The following TRAF3IP2 variants were observed in gnomAD, a reference collection of about 807,000 sequenced individuals.
TRAF3IP2 encodes E3 ubiquitin ligase TRAF3IP2.
TRAF3IP2 carries 35 observed loss-of-function variants against 57.9 expected under a neutral mutation model. The ratio of observed to expected loss-of-function variants is 0.60; its 90% CI spans 0.46 to 0.80. The LOEUF (loss-of-function observed/expected upper bound fraction) is 0.80. TRAF3IP2 is among the 30% of genes least tolerant of loss of function. The probability of loss-of-function intolerance (pLI) is 0.00; values close to 1 mark genes in which losing one functional copy is unlikely to be tolerated. For missense variants in TRAF3IP2, 556 were observed against 706.4 expected (o/e 0.79, Z 2.41); for synonymous variants, 251 against 268.9 (o/e 0.93, Z 0.65).
chr6:111,585,949 A>G (rs957565177), intron 2 of TRAF3IP2, among the ~76,000 whole-genome samples: 2 of 152,276 alleles, frequency 1.3e-5, no homozygotes, highest in Non-Finnish European at 2.9e-5. Flanking sequence ...CCAAATCCTA[A>G]ATGAGGTTTT....
chr6:111,591,654 G>C lies in TRAF3IP2; in HGVS notation c.433C>G (p.Leu145Val), dbSNP rs758671281. ...CCAGTGTCAGGAGAAGCCGCTGAAAGCTGAGATACCAGCCATTGATTACGT... is the reference window on the plus strand; with the variant it reads ...CCAGTGTCAGGAGAAGCCGCTGAAACCTGAGATACCAGCCATTGATTACGT... The part of the protein sequence containing the change: ...EKRNQWLVSQ[L>V]SAASPDTGHD... The change falls in exon 2 of 9, where the codon CTT (leucine) becomes GTT (valine). Residue 145 changes from leucine to valine, a missense_variant. Physicochemically the swap from Leu to Val is conservative, Grantham distance 32 (BLOSUM62 1). Transcript: ENST00000368761. This position sits in a 1 kb window ranked among gnomAD's most constrained non-coding sequence, Gnocchi z 4.9. 5 of 1,614,252 alleles carry C rather than the reference G, an allele frequency of 3.1e-6. No individual in the cohort carries two copies. In the East Asian group the frequency reaches 1.1e-4, roughly 36 times the overall value.
intron 2 of TRAF3IP2, among the ~76,000 whole-genome samples, chr6:111,584,982 A>G (rs1000784796): frequency 6.6e-6 from 1 of 152,180 alleles, no homozygotes; most frequent in Non-Finnish European, 1.5e-5. Flanking sequence ...TCACTCTGCT[A>G]GGCCCCACTG....
Position 111,591,251 on chromosome 6 carries a change from C to A in TRAF3IP2, c.829+7G>T. On this transcript the variant is annotated splice_region_variant and intron_variant, in intron 2 of 8. Coordinates refer to ENST00000368761, the MANE Select transcript of TRAF3IP2 (RefSeq NM_147686.4). This position sits in a 1 kb window ranked among gnomAD's most constrained non-coding sequence, Gnocchi z 4.9. Reference sequence around the variant, plus strand: ...CAGAATGCCCAGAGGAGGTAAAGATCACTTACATGGCACCTGGTGATCGGG... The same window carrying A: ...CAGAATGCCCAGAGGAGGTAAAGATAACTTACATGGCACCTGGTGATCGGG... 1.4e-6 allele frequency: 2 copies of A among 1,481,206 alleles called. No homozygotes were observed. Among genetic ancestry groups the A allele is most frequent in the South Asian group, 3.1e-5 (2 of 64,122 alleles). 91.8% of individuals were successfully genotyped at this position (1,481,206 alleles called of 1,614,324 possible).
rs576930129 is a variant in TRAF3IP2 at position 111,589,113 on chromosome 6, C to T, written c.829+2145G>A. Among the ~76,000 whole-genome samples the T allele has an allele frequency of 3.8e-4, 48 of 126,908 alleles. 1 individual carries two copies. The highest frequency in any genetic ancestry group is 1.3e-3 in the African/African-American group (44 of 33,768). 83.3% of individuals were successfully genotyped at this position (126,908 alleles called of 152,430 possible). On this transcript the variant is annotated intron_variant, in intron 2 of 8. Coordinates refer to ENST00000368761, the MANE Select transcript of TRAF3IP2 (RefSeq NM_147686.4). ...TTGAGATGGAGTCTCACTGTGTCAT[C>T]GCCCAGGTGCAGTCTCGGCTCACTG...
chr6:111,575,833 T>C lies in TRAF3IP2; in HGVS notation c.1023-12A>G, dbSNP rs1023935024. The C allele has an allele frequency of 1.9e-6, 3 of 1,606,224 alleles. No homozygotes were observed. The highest frequency in any genetic ancestry group is 1.3e-5 in the African/African-American group (1 of 74,284). ...GATGTGGCTGGTCCCTAGAAAGGAA[T>C]ACATTTACAGTCAATTTTCATTCTT... On this transcript the variant is annotated splice_polypyrimidine_tract_variant and intron_variant, in intron 3 of 8. Coordinates refer to ENST00000368761, the MANE Select transcript of TRAF3IP2 (RefSeq NM_147686.4).
intron 2 of TRAF3IP2, chr6:111,587,211 AGAAGTAATACCT>A (rs1174518677): frequency 4.6e-5 from 7 of 152,268 alleles, no homozygotes; most frequent in African/African-American, 1.7e-4. Flanking sequence ...TCTTAATTAT[AGAAGTAATACCT>A]GTTTGCTATT....
intron 5 of TRAF3IP2, 176 bp downstream of exon 5, chr6:111,572,719 G>A: frequency 1.6e-6 from 1 of 620,854 alleles, no homozygotes; most frequent in East Asian, 2.8e-5. Flanking sequence ...GGAGACTTCA[G>A]ATAGCTTAAA....
intron 3 of TRAF3IP2, chr6:111,577,161 T>A (rs1033214508): frequency 3.5e-5 from 5 of 144,682 alleles, no homozygotes; most frequent in Admixed American, 7.0e-5. Context: ...TTTTTTTTTT[T>A]ATTTCTCCAA....
chr6:111,604,567 G>A (rs908864815), intron 1 of TRAF3IP2, among the ~76,000 whole-genome samples: 6 of 152,380 alleles, frequency 3.9e-5, no homozygotes, highest in African/African-American at 1.2e-4. Context: ...TTTGGCTAGA[G>A]CCAGTAATAA....
chr6:111,601,411 A>G, intron 1 of TRAF3IP2: 1 of 486,086 alleles, frequency 2.1e-6, no homozygotes, highest in Non-Finnish European at 3.8e-6. Context: ...CAGAGCACCA[A>G]CAAAGGGTGA....
Position 111,591,618 on chromosome 6 carries a change from C to T in TRAF3IP2, c.469G>A (p.Asp157Asn). The T allele has an allele frequency of 6.2e-7, 1 of 1,614,234 alleles. No homozygotes were observed. The highest frequency in any genetic ancestry group is 8.5e-7 in the Non-Finnish European group (1 of 1,180,050). ...TTAGGTAAACTTTGGTCTGATTTGT[C>T]TGAGTCATGGCCAGTGTCAGGAGAA... The part of the protein sequence containing the change: ...AASPDTGHDS[D>N]KSDQSLPNAS... The change falls in exon 2 of 9, where the codon GAC (aspartate) becomes AAC (asparagine). Residue 157 changes from aspartate to asparagine, a missense_variant. Physicochemically the swap from Asp to Asn is conservative, Grantham distance 23 (BLOSUM62 1). This residue lies in a region of TRAF3IP2 where 428 missense variants were observed against 498.7 expected (regional missense o/e 0.86). Coordinates refer to ENST00000368761, the MANE Select transcript of TRAF3IP2 (RefSeq NM_147686.4). The surrounding 1 kb of genome is among the most constrained non-coding windows in gnomAD (Gnocchi z 4.9).
At chr6:111,561,348 G>A (rs1795434921) in intron 8 of TRAF3IP2, among the ~76,000 whole-genome samples, 1 of 152,062 alleles carries the variant, frequency 6.6e-6, no homozygotes, top group Admixed American at 6.6e-5. Context: ...GCTGAGGCAG[G>A]AGAATCGCTT....
intron 5 of TRAF3IP2, among the ~76,000 whole-genome samples, chr6:111,570,543 C>T (rs1355708548): frequency 1.3e-5 from 2 of 152,058 alleles, no homozygotes; most frequent in Non-Finnish European, 2.9e-5. Context: ...TGTCCAGGAC[C>T]GGGCTCTGTG....
At chr6:111,583,701 T>C (rs562729508) in intron 2 of TRAF3IP2, among the ~76,000 whole-genome samples, 1 of 152,268 alleles carries the variant, frequency 6.6e-6, no homozygotes, top group African/African-American at 2.4e-5. Flanking sequence ...AATGTAACAA[T>C]AATAGAAATA....
chr6:111,559,166 G>A lies in TRAF3IP2; in HGVS notation c.*239C>T. The A allele has an allele frequency of 2.1e-6, 1 of 466,934 alleles. No individual in the cohort carries two copies. The highest frequency in any genetic ancestry group is 3.8e-6 in the Non-Finnish European group (1 of 265,578). The allele number at this position is 466,934 out of a possible 1,614,324, so 28.9% of individuals were successfully genotyped here. ...AGGAACATATGGGACACTGGCACCT[G>A]CAATGGTTTTTTTAAAAGCAGAGAA... On this transcript the variant is annotated 3_prime_UTR_variant, in exon 9 of 9. Coordinates refer to ENST00000368761, the MANE Select transcript of TRAF3IP2 (RefSeq NM_147686.4).
intron 5 of TRAF3IP2, among the ~76,000 whole-genome samples, chr6:111,568,799 A>G (rs1380823481): frequency 6.6e-6 from 1 of 152,040 alleles, no homozygotes; most frequent in African/African-American, 2.4e-5. Flanking sequence ...TACTCCCCAC[A>G]TTGGAGTCCC....
intron 6 of TRAF3IP2, chr6:111,567,318 C>T (rs1795685272): frequency 1.8e-6 from 2 of 1,102,202 alleles, no homozygotes; most frequent in Non-Finnish European, 2.2e-6. Context: ...TTGAATTCTG[C>T]TGCTCTCTCC....
At chr6:111,581,861 C>T (rs760594107) in intron 2 of TRAF3IP2, among the ~76,000 whole-genome samples, 54 of 152,086 alleles carry the variant, frequency 3.6e-4, no homozygotes, top group Non-Finnish European at 7.5e-4. Context: ...ACCTGTAACC[C>T]CAGCTACTCA....
chr6:111,591,288 A>AT lies in TRAF3IP2; in HGVS notation c.798_799insA (p.Cys267MetfsTer14), dbSNP rs749261232. ...ACCTGGTGATCGGGACTTCCAGGACAATGGTAATGATAGTTCCATGGAGCA... is the reference window on the plus strand; with the variant it reads ...ACCTGGTGATCGGGACTTCCAGGACATATGGTAATGATAGTTCCATGGAGCA... On this transcript the variant is annotated frameshift_variant, in exon 2 of 9. Transcript: ENST00000368761. LOFTEE classifies it high-confidence loss of function. This position sits in a 1 kb window ranked among gnomAD's most constrained non-coding sequence, Gnocchi z 4.9. 2.0e-6 allele frequency: 3 copies of AT among 1,498,620 alleles called. No individual in the cohort carries two copies. 92.8% of individuals were successfully genotyped at this position (1,498,620 alleles called of 1,614,324 possible).
Sources: allele counts gnomAD v4.1 joint callset (sites outside exome capture counted in the v4.1 genomes callset), GRCh38; gene constraint gnomAD v4.1.1; regional missense constraint gnomAD v4.1.1; non-coding constraint Gnocchi (gnomAD v3.1); transcripts MANE v1.5; gene names NCBI Gene and HGNC (gene_info 2026-07-23, HGNC 2026-07-21).